The following RNF213 variants were observed in gnomAD, a reference collection of about 807,000 sequenced individuals.
The protein encoded by RNF213 is ring finger protein 213.
Under a neutral mutation model 514.4 loss-of-function variants are expected in RNF213, and 341 were observed. The ratio of observed to expected loss-of-function variants is 0.66; its 90% confidence interval spans 0.61 to 0.73. The LOEUF is 0.73. Ranked by LOEUF, RNF213 falls within the 30% of genes least tolerant of loss-of-function variation. The probability of loss-of-function intolerance (pLI) is 0.00; values close to 1 mark genes in which losing one functional copy is unlikely to be tolerated. For missense variants in RNF213, 5,767 were observed against 6,615.6 expected (o/e 0.87, Z 4.45); for synonymous variants, 2,655 against 2,658.2 (o/e 1.00, Z 0.04).
chr17:80,386,768 T>G lies in RNF213; in HGVS notation c.14799T>G (p.Ile4933Met), dbSNP rs2080252564. 3 of 1,614,114 alleles carry G rather than the reference T, an allele frequency of 1.9e-6. No individual in the cohort carries two copies. Among genetic ancestry groups the G allele is most frequent in the Non-Finnish European group, 2.5e-6 (3 of 1,179,992 alleles). Residue 4933 changes from isoleucine to methionine, a missense_variant, in exon 63 of 68, where the codon ATT (isoleucine) becomes ATG (methionine). By Grantham distance (10) the Ile-to-Met change is conservative (BLOSUM62 1). Coordinates refer to ENST00000582970, the MANE Select transcript of RNF213 (RefSeq NM_001256071.3). ...YEVERDLTPL[I>M]LSNCQYQVEE... ...TGGAGCGGGACCTGACTCCACTGAT[T>G]CTCTCCAACTGCCAGTACCAGGTGG...
chr17:80,348,001 C>T lies in RNF213; in HGVS notation c.9666C>T (p.His3222=), dbSNP rs778501838. ...CCTCTGACGTCTTCATCGGCTACCA[C>T]TCGGACGCCTGCGCGTCTGTGGTGC... ...YSPSDVFIGY[H]SDACASVVLQ... is the part of the protein sequence containing the mutation. The change falls in exon 29 of 68, where the codon CAC becomes CAT. Residue 3222 remains histidine, a synonymous_variant. Coordinates refer to ENST00000582970, the MANE Select transcript of RNF213 (RefSeq NM_001256071.3). 5.0e-6 allele frequency: 8 copies of T among 1,614,248 alleles called. No individual in the cohort carries two copies. The highest frequency in any genetic ancestry group is 6.8e-6 in the Non-Finnish European group (8 of 1,180,042).
Position 80,306,373 on chromosome 17 carries a change from A to G in RNF213, c.2332A>G (p.Ile778Val), listed in dbSNP as rs1269634405. ...SHLVMYMENF[I>V]EHLGRFPAHI... ...CCTGGTTATGTATATGGAAAACTTCATTGAGCACCTGGGTCGTTTTCCTGC... is the reference window on the plus strand; with the variant it reads ...CCTGGTTATGTATATGGAAAACTTCGTTGAGCACCTGGGTCGTTTTCCTGC... Residue 778 changes from isoleucine to valine, a missense_variant, in exon 12 of 68, where the codon ATT (isoleucine) becomes GTT (valine). By Grantham distance (29) the Ile-to-Val change is conservative (BLOSUM62 3). Coordinates refer to ENST00000582970, the MANE Select transcript of RNF213 (RefSeq NM_001256071.3). The G allele has an allele frequency of 6.2e-7, 1 of 1,614,042 alleles. No individual in the cohort carries two copies. Among genetic ancestry groups the G allele is most frequent in the East Asian group, 2.2e-5 (1 of 44,902 alleles).
intron 29 of RNF213, among the ~76,000 whole-genome samples, chr17:80,348,655 C>T (rs972239001): frequency 1.3e-5 from 2 of 152,242 alleles, no homozygotes; most frequent in Admixed American, 6.5e-5. Context: ...CCATCAATAT[C>T]ATATGATAAA....
At position 80,381,574 on chromosome 17, in the gene RNF213, G is replaced by C; in HGVS notation, c.13825G>C (p.Val4609Leu). Reference sequence around the variant, plus strand: ...TCTGATAAACATCATTAAGCCTCCAGTGAGGGATCCAAAAGGCTTTCTGCA... The same window carrying C: ...TCTGATAAACATCATTAAGCCTCCACTGAGGGATCCAAAAGGCTTTCTGCA... ...QALINIIKPP[V>L]RDPKGFLQQH... Residue 4609 changes from valine (V) to leucine (L), a missense_variant, in exon 57 of 68, where the codon GTG becomes CTG. Physicochemically the swap from Val to Leu is conservative, Grantham distance 32. Around this residue, in one of 13 missense-constraint regions of RNF213, gnomAD observed 1,245 missense variants for 1,339.0 expected, o/e 0.93. Transcript: ENST00000582970. 1 of 1,614,228 alleles carries C rather than the reference G, an allele frequency of 6.2e-7. No homozygotes were observed. Among genetic ancestry groups the C allele is most frequent in the Non-Finnish European group, 8.5e-7 (1 of 1,180,050 alleles).
Position 80,345,463 on chromosome 17 carries a change from G to C in RNF213, c.7128G>C (p.Arg2376Ser). 6.2e-7 allele frequency: 1 copy of C among 1,611,582 alleles called. No homozygotes were observed. ...DKLPRHKKLE[R>S]LCLTLGIPQA... ...TGCCCAGACACAAGAAACTTGAGAG[G>C]CTCTGCCTGACCTTAGGGATCCCCC... The change falls in exon 29 of 68, where the codon AGG (arginine) becomes AGC (serine). Residue 2376 changes from arginine to serine, a missense_variant. Around this residue, in one of 13 missense-constraint regions of RNF213, gnomAD observed 1,377 missense variants for 1,635.2 expected, o/e 0.84. Coordinates refer to ENST00000582970, the MANE Select transcript of RNF213 (RefSeq NM_001256071.3). The surrounding 1 kb of genome is among the most constrained non-coding windows in gnomAD (Gnocchi z 6.0).
Position 80,263,905 on chromosome 17 carries a change from A to G in RNF213, c.97+127A>G, listed in dbSNP as rs1598871336. The G allele has an allele frequency of 5.5e-6, 4 of 729,542 alleles. No homozygotes were observed. The highest frequency in any genetic ancestry group is 2.2e-5 in the Admixed American group (1 of 45,650). The allele number at this position is 729,542 out of a possible 1,614,324, so 45.2% of individuals were successfully genotyped here. On this transcript the variant is annotated intron_variant, in intron 2 of 67. Coordinates refer to ENST00000582970, the MANE Select transcript of RNF213 (RefSeq NM_001256071.3). This position sits in a 1 kb window ranked among gnomAD's most constrained non-coding sequence, Gnocchi z 4.9. ...GGTGGGGCCGAGGTCCTCTGTGGCT[A>G]CTGAGGCTCTGTGGCTCTGAATAGC... is the stretch of plus-strand genomic sequence containing the variant.
rs1019544217 is a variant in RNF213, at chr17:80,393,553, C to T, written c.*55C>T. On this transcript the variant is annotated 3_prime_UTR_variant, in exon 68 of 68. Transcript: ENST00000582970. ...TTTGGAGAGAAGACTCCTCTCTCCT[C>T]GTCTGCGGCGTGGACTTGATCATGG... 7.0e-6 allele frequency: 11 copies of T among 1,565,066 alleles called. No individual in the cohort carries two copies. Among genetic ancestry groups the T allele is most frequent in the Admixed American group, 6.7e-5 (4 of 59,824 alleles).
rs1413703748 is a variant in RNF213 at position 80,325,035 on chromosome 17, G to C, written c.3030G>C (p.Gln1010His). The C allele has an allele frequency of 6.5e-7, 1 of 1,536,964 alleles. No homozygotes were observed. The highest frequency in any genetic ancestry group is 8.7e-7 in the Non-Finnish European group (1 of 1,146,848). Residue 1010 changes from glutamine to histidine, a missense_variant, in exon 18 of 68, where the codon CAG (glutamine) becomes CAC (histidine). Gln to His is a conservative substitution (Grantham distance 24). Coordinates refer to ENST00000582970, the MANE Select transcript of RNF213 (RefSeq NM_001256071.3). ...IEAVSSACQS[Q>H]TSILQGFSYS... ...TTTTATTAATTTTCTTGTAGTCTCA[G>C]ACCAGTATCCTTCAGGGGTTCTCTT...
rs776422810 is a variant in RNF213, at chr17:80,343,313, C to T, written c.6171C>T (p.Asp2057=). Residue 2057 remains aspartate, a synonymous_variant, in exon 27 of 68, where the codon GAC becomes GAT. Coordinates refer to ENST00000582970, the MANE Select transcript of RNF213 (RefSeq NM_001256071.3). This position sits in a 1 kb window ranked among gnomAD's most constrained non-coding sequence, Gnocchi z 4.3. ...AGGTCCCCGTGCTCTTTCACCTGGA[C>T]GTGACCTCCTCAGTAAGTGCCCTCC... ...YQKVPVLFHL[D]VTSSVQTGIW... 8 of 1,611,884 alleles carry T rather than the reference C, an allele frequency of 5.0e-6. No homozygotes were observed. Among genetic ancestry groups the T allele is most frequent in the Admixed American group, 3.3e-5 (2 of 59,940 alleles).
chr17:80,384,931 C>G (rs915156595), intron 59 of RNF213, 108 bp from the exon 60 acceptor site: 2 of 1,164,226 alleles, frequency 1.7e-6, no homozygotes, highest in Non-Finnish European at 2.5e-6. Context: ...TGACACTGAC[C>G]AGATTAAGCT....
intron 42 of RNF213, among the ~76,000 whole-genome samples, chr17:80,366,682 T>C (rs970429338): frequency 3.0e-5 from 4 of 133,374 alleles, no homozygotes; most frequent in African/African-American, 1.1e-4. Context: ...AAAAAAAAAA[T>C]CTGTAAATGT....
intron 29 of RNF213, among the ~76,000 whole-genome samples, chr17:80,349,437 A>G (rs1017854251): frequency 2.6e-5 from 4 of 152,176 alleles, no homozygotes; most frequent in Non-Finnish European, 2.9e-5. Context: ...GAGTCGTACT[A>G]TAACAGGAAA....
At chr17:80,362,964 G>A (rs1158845860) in intron 39 of RNF213, 138 bp from the exon 40 acceptor site, 2 of 857,338 alleles carry the variant, frequency 2.3e-6, no homozygotes, top group African/African-American at 1.7e-5. Context: ...AAACTGGACA[G>A]AAGCAAACGG....
intron 37 of RNF213, among the ~76,000 whole-genome samples, chr17:80,358,841 G>A (rs1233477192): frequency 6.6e-6 from 1 of 152,110 alleles, no homozygotes; most frequent in African/African-American, 2.4e-5. Flanking sequence ...CCTGGGAGGC[G>A]GAGGTTGCAG....
rs1453970821 is a variant in RNF213, at chr17:80,297,558, A to G, written c.2013-763A>G. On this transcript the variant is annotated intron_variant, in intron 10 of 67. Coordinates refer to ENST00000582970, the MANE Select transcript of RNF213 (RefSeq NM_001256071.3). The stretch of plus-strand genomic sequence containing the variant: ...TTGCTTGAGCCAGGAGTTCAGGATC[A>G]GTCTGGGAAACAAAAATTAAAATAA... Among the ~76,000 whole-genome samples the G allele has an allele frequency of 4.6e-5, 7 of 151,802 alleles. No individual in the cohort carries two copies. In the East Asian group the frequency reaches 1.4e-3, roughly 29 times the overall value.
At chr17:80,363,544 C>A in intron 40 of RNF213, 65 bp from the exon 41 acceptor site, 1 of 1,565,772 alleles carries the variant, frequency 6.4e-7, no homozygotes, top group South Asian at 1.1e-5. Flanking sequence ...AGCTAACAGC[C>A]GGGGCCTCTG....
chr17:80,326,725 C>CTT (rs972865803), intron 18 of RNF213, among the ~76,000 whole-genome samples: 3 of 152,212 alleles, frequency 2.0e-5, no homozygotes, highest in Admixed American at 1.3e-4. Context: ...CTTTTCATGG[C>CTT]TTGAGAGCTA....
intron 1 of RNF213, among the ~76,000 whole-genome samples, chr17:80,261,436 G>GC (rs2043416894): frequency 6.6e-6 from 1 of 152,208 alleles, no homozygotes; most frequent in South Asian, 2.1e-4. Context: ...GGGGCTCAAG[G>GC]CCAGGGTGGG....
At chr17:80,269,588 C>T (rs796702113) in intron 2 of RNF213, among the ~76,000 whole-genome samples, 20 of 151,016 alleles carry the variant, frequency 1.3e-4, no homozygotes, top group African/African-American at 4.4e-4. Flanking sequence ...ACTATCTATC[C>T]GTCCATCCTA....
Sources: allele counts gnomAD v4.1 joint callset (sites outside exome capture counted in the v4.1 genomes callset), GRCh38; gene constraint gnomAD v4.1.1; regional missense constraint gnomAD v4.1.1; non-coding constraint Gnocchi (gnomAD v3.1); transcripts MANE v1.5; gene names NCBI Gene and HGNC (gene_info 2026-07-23, HGNC 2026-07-21).